Variants in ASPH observed in about 807,000 individuals in gnomAD.
ASPH encodes aspartyl/asparaginyl beta-hydroxylase.
A neutral mutation model predicts 118.4 loss-of-function variants in ASPH; 100 were observed. The ratio of observed to expected loss-of-function variants is 0.84; its 90% CI spans 0.72 to 1.00. The LOEUF (loss-of-function observed/expected upper bound fraction) is 1.00, where lower values mean the gene tolerates loss of function less well. Ranked by LOEUF, ASPH falls within the 50% of genes least tolerant of loss-of-function variation. ASPH has a pLI of 0.00. For missense variants in ASPH, 920 were observed against 919.5 expected, an observed-to-expected ratio of 1.00 and a Z score of -0.01; for synonymous variants, 315 against 325.6, an observed-to-expected ratio of 0.97 and a Z score of 0.35.
At position 61,661,767 on chromosome 8, in the gene ASPH, G is replaced by T. The variant is rs537659105; in HGVS notation, c.323-8107C>A. Reference sequence around the variant, plus strand: ...GTTACAAACTTGCATAGCTAAGCAGGTCATAATACAAAATATTCTCAATAA... The same window carrying T: ...GTTACAAACTTGCATAGCTAAGCAGTTCATAATACAAAATATTCTCAATAA... On this transcript the variant is annotated intron_variant, in intron 3 of 24. Transcript: ENST00000379454. 1.9e-5 allele frequency: 7 copies of T among 361,200 alleles called. No individual in the cohort carries two copies. The Admixed American group carries it at 2.8e-4, about 15-fold the overall frequency. The allele number at this position is 361,200 out of a possible 1,614,324, so 22.4% of individuals were successfully genotyped here.
chr8:61,650,917 T>A (rs1462080884), intron 5 of ASPH, 133 bp downstream of exon 5: 1 of 855,906 alleles, frequency 1.2e-6, no homozygotes, highest in East Asian at 2.7e-5. Flanking sequence ...CTATCTAACT[T>A]TGAATTCAAA....
intron 20 of ASPH, among the ~76,000 whole-genome samples, chr8:61,549,470 A>G (rs1825094751): frequency 1.3e-5 from 2 of 152,218 alleles, no homozygotes; most frequent in South Asian, 2.1e-4. Context: ...ACTATGAAAA[A>G]TGATTTTCTT....
rs1439451866 is a variant in ASPH at position 61,560,899 on chromosome 8, C to T, written c.1437+1845G>A. On this transcript the variant is annotated intron_variant, in intron 18 of 24. Transcript: ENST00000379454. Reference sequence around the variant, plus strand: ...CAAACGTGCTTGCACCCAGTCAACACTTCAGAATGTTTTTTAGATGGAAAG... The same window carrying T: ...CAAACGTGCTTGCACCCAGTCAACATTTCAGAATGTTTTTTAGATGGAAAG... Among the ~76,000 whole-genome samples the T allele has an allele frequency of 9.2e-5, 14 of 151,418 alleles. No homozygotes were observed. In the East Asian group the frequency reaches 2.5e-3, roughly 27 times the overall value.
intron 15 of ASPH, 65 bp downstream of exon 15, chr8:61,583,878 AC>A: frequency 6.2e-6 from 7 of 1,128,748 alleles, no homozygotes; most frequent in Admixed American, 2.5e-5. Context: ...TTTTTTTTTA[AC>A]AAATCAAGAG....
chr8:61,541,885 G>T (rs1822098084), intron 21 of ASPH, among the ~76,000 whole-genome samples: 1 of 152,176 alleles, frequency 6.6e-6, no homozygotes, highest in South Asian at 2.1e-4. Flanking sequence ...AAGGAAATAA[G>T]AATTTTAATA....
chr8:61,591,734 A>C (rs555765938), intron 14 of ASPH, among the ~76,000 whole-genome samples: 1 of 152,290 alleles, frequency 6.6e-6, no homozygotes, highest in East Asian at 1.9e-4. Context: ...CACAAACTGT[A>C]AACAGTAGGC....
At chr8:61,643,661 A>C (rs1428206627) in intron 8 of ASPH, among the ~76,000 whole-genome samples, 1 of 152,252 alleles carries the variant, frequency 6.6e-6, no homozygotes, top group Non-Finnish European at 1.5e-5. Flanking sequence ...TTTATAGTAC[A>C]TCATACTGCC....
At chr8:61,633,384 T>C (rs1255001553) in intron 13 of ASPH, 1 of 216,590 alleles carries the variant, frequency 4.6e-6, no homozygotes, top group African/African-American at 2.3e-5. Flanking sequence ...AGCCTGTCAA[T>C]CAAAGAGGAA....
intron 3 of ASPH, chr8:61,676,276 C>G (rs769861271): frequency 6.3e-7 from 1 of 1,588,530 alleles, no homozygotes; most frequent in Non-Finnish European, 8.5e-7. Flanking sequence ...TAAGGACTTC[C>G]TCAAGAGAAT....
At chr8:61,580,209 C>A (rs971451242) in intron 15 of ASPH, among the ~76,000 whole-genome samples, 1 of 152,186 alleles carries the variant, frequency 6.6e-6, no homozygotes. Context: ...GTGGATCTAC[C>A]ATTCTGGGGC....
intron 16 of ASPH, among the ~76,000 whole-genome samples, chr8:61,571,195 T>G (rs1833380177): frequency 6.6e-6 from 1 of 152,198 alleles, no homozygotes; most frequent in South Asian, 2.1e-4. Flanking sequence ...CATGGCTAAA[T>G]TTTGCTGTAT....
At position 61,599,298 on chromosome 8, in the gene ASPH, C is replaced by T. The variant is rs539649268; in HGVS notation, c.977-15269G>A. On this transcript the variant is annotated intron_variant, in intron 14 of 24. Coordinates refer to ENST00000379454, the MANE Select transcript of ASPH (RefSeq NM_004318.4). The stretch of plus-strand genomic sequence containing the variant: ...GAACACTTGGACACAGGAAGGGGAA[C>T]ATCACACACCGGGGCCTGTTGTGGG... Among the ~76,000 whole-genome samples the T allele has an allele frequency of 9.2e-5, 14 of 152,014 alleles. 1 individual carries two copies. In the South Asian group the frequency reaches 1.0e-3, roughly 11 times the overall value.
chr8:61,571,736 ACTT>A (rs1417061531), intron 16 of ASPH, among the ~76,000 whole-genome samples: 3 of 152,186 alleles, frequency 2.0e-5, no homozygotes, highest in African/African-American at 7.2e-5. Flanking sequence ...TATAAGGAAA[ACTT>A]CTAAGGTATA....
Position 61,526,090 on chromosome 8 carries a change from A to C in ASPH, c.1787T>G (p.Leu596Ter), listed in dbSNP as rs1815212259. Residue 596 changes from leucine to a stop codon, truncating the protein, a stop_gained, in exon 22 of 25, where the codon TTA (leucine) becomes TGA (stop). Transcript: ENST00000379454. LOFTEE classifies it high-confidence loss of function. ...CACTGCAAGGCCTTCATCTCGGATT[A>C]ACTTCCAGTTTCTTTCTAAAGACTA... ...LVKSLERNWK[L>*]IRDEGLAVMD... 1 of 1,613,892 alleles carries C rather than the reference A, an allele frequency of 6.2e-7. No individual in the cohort carries two copies. Among genetic ancestry groups the C allele is most frequent in the African/African-American group, 1.3e-5 (1 of 74,916 alleles).
At chr8:61,546,866 A>G (rs1824063386) in intron 21 of ASPH, among the ~76,000 whole-genome samples, 1 of 152,226 alleles carries the variant, frequency 6.6e-6, no homozygotes, top group African/African-American at 2.4e-5. Flanking sequence ...AAAGAACAGT[A>G]TGACAAACCT....
chr8:61,609,234 C>T (rs1021804810), intron 14 of ASPH, among the ~76,000 whole-genome samples: 1 of 152,188 alleles, frequency 6.6e-6, no homozygotes, highest in Non-Finnish European at 1.5e-5. Context: ...GGATCCAATG[C>T]TACCCCTCCA....
At chr8:61,576,625 A>G (rs920132439) in intron 16 of ASPH, 147 bp downstream of exon 16, 7 of 609,970 alleles carry the variant, frequency 1.1e-5, no homozygotes, top group East Asian at 2.8e-5. Flanking sequence ...TGCAATAGTG[A>G]TAATTGTATT....
intron 9 of ASPH, 147 bp from the exon 10 acceptor site, chr8:61,643,067 C>T (rs1806034677): frequency 1.3e-6 from 1 of 776,482 alleles, no homozygotes. Flanking sequence ...TAATAAATGC[C>T]TCTGCCCAAA....
At chr8:61,642,960 C>G in intron 9 of ASPH, 40 bp from the exon 10 acceptor site, 1 of 1,442,498 alleles carries the variant, frequency 6.9e-7, no homozygotes, top group Non-Finnish European at 9.3e-7. Flanking sequence ...TAAGTATTAA[C>G]TGAGTCATTC....
Sources: gnomAD v4.1 joint callset for allele counts (sites outside exome capture counted in the v4.1 genomes callset) on GRCh38, gnomAD v4.1.1 for gene constraint, MANE v1.5 for transcripts, NCBI Gene and HGNC (gene_info 2026-07-23, HGNC 2026-07-21) for gene names.